Variants in NYAP2 observed in about 807,000 individuals in gnomAD.
The protein encoded by NYAP2 is neuronal tyrosine-phosphorylated phosphoinositide-3-kinase adaptor 2.
NYAP2 carries 23 observed loss-of-function variants against 50.4 expected under a neutral mutation model. That is an observed-to-expected ratio of 0.46 (90% CI 0.33 to 0.65). The LOEUF (loss-of-function observed/expected upper bound fraction) is 0.65. Among genes scored for constraint, NYAP2 ranks in the 30% least tolerant of loss-of-function variants. The probability of loss-of-function intolerance (pLI) is 0.02; values close to 1 mark genes in which losing one functional copy is unlikely to be tolerated. For missense variants in NYAP2, 885 were observed against 861.0 expected, an observed-to-expected ratio of 1.03 and a Z score of -0.35; for synonymous variants, 394 against 365.2, an observed-to-expected ratio of 1.08 and a Z score of -0.90.
intron 3 of NYAP2, among the ~76,000 whole-genome samples, chr2:225,437,852 T>G (rs896574974): frequency 6.6e-6 from 1 of 152,232 alleles, no homozygotes; most frequent in African/African-American, 2.4e-5. Flanking sequence ...TGATTCTATC[T>G]ATTCTATCAT....
At chr2:225,493,750 C>G (rs775422049) in intron 3 of NYAP2, among the ~76,000 whole-genome samples, 1 of 152,168 alleles carries the variant, frequency 6.6e-6, no homozygotes, top group Non-Finnish European at 1.5e-5. Flanking sequence ...TTAACAGTGA[C>G]CTTTATAGGG....
the NYAP2 span, among the ~76,000 whole-genome samples, chr2:225,660,480 A>G: frequency 2.8e-5 from 4 of 140,600 alleles, 1 homozygote; most frequent in Admixed American, 3.1e-4. Context: ...GCATTTACTT[A>G]AAGATTCCAC....
chr2:225,652,867 CA>C (rs1401265678), exon 7 of NYAP2: 1 of 152,040 alleles, frequency 6.6e-6, no homozygotes, highest in African/African-American at 2.4e-5. Context: ...CTTAAATATG[CA>C]AAATAGTTGA....
intron 4 of NYAP2, among the ~76,000 whole-genome samples, chr2:225,569,168 A>G (rs1390946429): frequency 6.6e-6 from 1 of 152,218 alleles, no homozygotes; most frequent in Non-Finnish European, 1.5e-5. Flanking sequence ...CCCACAGAGC[A>G]GACAATGGCT....
intron 4 of NYAP2, among the ~76,000 whole-genome samples, chr2:225,516,914 C>A (rs948245602): frequency 2.6e-5 from 4 of 152,004 alleles, no homozygotes; most frequent in African/African-American, 9.7e-5. Flanking sequence ...CCAGAAAAAT[C>A]AAAATATTGA....
intron 4 of NYAP2, among the ~76,000 whole-genome samples, chr2:225,532,965 A>G (rs10200296): frequency 0.21 from 32,331 of 152,088 alleles, 3,433 homozygotes; most frequent in East Asian, 0.23. Flanking sequence ...AACAAGAAAG[A>G]TAGATTCTCT....
At chr2:225,517,225 T>C (rs1415090523) in intron 4 of NYAP2, among the ~76,000 whole-genome samples, 2 of 152,160 alleles carry the variant, frequency 1.3e-5, no homozygotes, top group African/African-American at 2.4e-5. Flanking sequence ...TGGCAATCAG[T>C]ATACTATAAA....
At chr2:225,557,297 T>C (rs2106213490) in intron 4 of NYAP2, among the ~76,000 whole-genome samples, 1 of 152,294 alleles carries the variant, frequency 6.6e-6, no homozygotes, top group East Asian at 1.9e-4. Context: ...ATCCATCCTT[T>C]CATAAATTAT....
rs538056226 is a variant in NYAP2 at position 225,519,148 on chromosome 2, C to T, written c.523+5476C>T. ...ATGGCATTAAGAAATATTCCCCAGG[C>T]AAAATAACCTTTTAATAATATTGTA... On this transcript the variant is annotated intron_variant, in intron 4 of 6. Transcript: ENST00000636099. 1.5e-4 allele frequency among the ~76,000 whole-genome samples: 23 copies of T among 151,882 alleles called. No individual in the cohort carries two copies. The South Asian group carries it at 2.7e-3, about 18-fold the overall frequency.
At position 225,575,164 on chromosome 2, in the gene NYAP2, C is replaced by G. The variant is rs576131587; in HGVS notation, c.524-6777C>G. On this transcript the variant is annotated intron_variant, in intron 4 of 6. Coordinates refer to ENST00000636099, the Ensembl canonical transcript of NYAP2. The stretch of plus-strand genomic sequence containing the variant: ...TATTCTGCATTACGACAGGCAACAT[C>G]TTGCCAATTTTTCCCCAATATATAA... 5.9e-5 allele frequency among the ~76,000 whole-genome samples: 9 copies of G among 152,258 alleles called. No homozygotes were observed. In the South Asian group the frequency reaches 8.3e-4, roughly 14 times the overall value.
the NYAP2 span, among the ~76,000 whole-genome samples, chr2:225,670,336 G>A: frequency 6.6e-6 from 1 of 152,060 alleles, no homozygotes; most frequent in Non-Finnish European, 1.5e-5. Flanking sequence ...TGTACGGGGA[G>A]AGGTCATGCA....
intron 4 of NYAP2, among the ~76,000 whole-genome samples, chr2:225,525,851 T>A (rs1266442439): frequency 6.6e-6 from 1 of 152,168 alleles, no homozygotes; most frequent in Non-Finnish European, 1.5e-5. Context: ...GTATTCAAGA[T>A]TCCCCCACTC....
intron 3 of NYAP2, among the ~76,000 whole-genome samples, chr2:225,475,441 G>A (rs1287732966): frequency 6.6e-6 from 1 of 152,128 alleles, no homozygotes; most frequent in Non-Finnish European, 1.5e-5. Flanking sequence ...ATAAACTAAG[G>A]AAAATAAGTG....
chr2:225,548,259 T>C (rs1691617536), intron 4 of NYAP2, among the ~76,000 whole-genome samples: 1 of 150,802 alleles, frequency 6.6e-6, no homozygotes, highest in African/African-American at 2.4e-5. Context: ...ATTTTATTCA[T>C]ACTTTTAAAA....
At chr2:225,567,587 A>C (rs1474231019) in intron 4 of NYAP2, among the ~76,000 whole-genome samples, 1 of 152,042 alleles carries the variant, frequency 6.6e-6, no homozygotes, top group East Asian at 1.9e-4. Context: ...ACAAGAAAGA[A>C]AGAGATGAAG....
chr2:225,474,029 G>A (rs1174727164), intron 3 of NYAP2, among the ~76,000 whole-genome samples: 1 of 152,264 alleles, frequency 6.6e-6, no homozygotes, highest in East Asian at 1.9e-4. Context: ...TCTACATATG[G>A]CTAGCCAGTT....
intron 3 of NYAP2, among the ~76,000 whole-genome samples, chr2:225,512,078 T>G (rs907057602): frequency 2.0e-5 from 3 of 152,192 alleles, no homozygotes; most frequent in Non-Finnish European, 4.4e-5. Flanking sequence ...CTTTTAAAAG[T>G]TTACATTCAC....
the NYAP2 span, among the ~76,000 whole-genome samples, chr2:225,680,530 A>G: frequency 6.6e-6 from 1 of 152,210 alleles, no homozygotes; most frequent in Non-Finnish European, 1.5e-5. Flanking sequence ...TGTTCTGATA[A>G]GAAAACCTTG....
intron 4 of NYAP2, among the ~76,000 whole-genome samples, chr2:225,570,547 G>T (rs1475658792): frequency 1.3e-5 from 2 of 152,106 alleles, no homozygotes; most frequent in Admixed American, 1.3e-4. Flanking sequence ...GCCAACAGGG[G>T]AAATGCCAGA....
Sources: allele counts gnomAD v4.1 joint callset (sites outside exome capture counted in the v4.1 genomes callset), GRCh38; gene constraint gnomAD v4.1.1; transcripts MANE v1.5; gene names NCBI Gene and HGNC (gene_info 2026-07-23, HGNC 2026-07-21).